MYO7B: variants seen among roughly 807,000 people sequenced by gnomAD.
MYO7B encodes the protein myosin VIIB.
In MYO7B, 212 loss-of-function variants were observed where a neutral mutation model predicts 259.7. That is an observed-to-expected ratio of 0.82 (90% confidence interval 0.73 to 0.91). The LOEUF is 0.91. Among genes scored for constraint, MYO7B ranks in the 40% least tolerant of loss-of-function variants. MYO7B has a pLI of 0.00. For synonymous variants in MYO7B, 1,197 were observed against 1,166.4 expected, an observed-to-expected ratio of 1.03 and a Z score of -0.54; for missense variants, 2,732 against 2,813.5, an observed-to-expected ratio of 0.97 and a Z score of 0.66.
chr2:127,620,817 C>A (rs980403899), intron 27 of MYO7B, among the ~76,000 whole-genome samples: 3 of 152,200 alleles, frequency 2.0e-5, no homozygotes, highest in Non-Finnish European at 4.4e-5. Flanking sequence ...TGCCACGGCA[C>A]CTCTTTCTAG....
rs781075658 is a variant in MYO7B, at chr2:127,566,806, G to A, written c.449G>A (p.Arg150Lys). 4.3e-6 allele frequency: 7 copies of A among 1,610,944 alleles called. No homozygotes were observed. Among genetic ancestry groups the A allele is most frequent in the Non-Finnish European group, 5.1e-6 (6 of 1,179,784 alleles). The change falls in exon 5 of 48, where the codon AGG (arginine) becomes AAG (lysine). Residue 150 changes from arginine (R) to lysine (K), a missense_variant. Physicochemically the swap from Arg to Lys is conservative, Grantham distance 26. Coordinates refer to ENST00000409816, the MANE Select transcript of MYO7B (RefSeq NM_001393586.1). ...TACTTCAGCATGAAGAGGAACAAGA[G>A]GGACCAGTGCTGCATCATCAGGTGA... ...NCYFSMKRNK[R>K]DQCCIISGES... is the part of the protein sequence containing the mutation.
intron 1 of MYO7B, among the ~76,000 whole-genome samples, chr2:127,538,932 T>C (rs1692898511): frequency 1.3e-5 from 2 of 152,310 alleles, no homozygotes; most frequent in Admixed American, 1.3e-4. Flanking sequence ...TAAGCCTCAG[T>C]TCCCTCTTCT....
intron 2 of MYO7B, among the ~76,000 whole-genome samples, chr2:127,560,090 G>T (rs915490434): frequency 6.7e-6 from 1 of 148,954 alleles, no homozygotes. Context: ...CCAGTGGCAC[G>T]ATCTCAGCTC....
chr2:127,590,036 G>T lies in MYO7B; in HGVS notation c.1855-56G>T. On this transcript the variant is annotated intron_variant, in intron 15 of 47. Transcript: ENST00000409816. This position sits in a 1 kb window ranked among gnomAD's most constrained non-coding sequence, Gnocchi z 4.6. ...CAACCCTTGCTGGCCTACAGGGTCA[G>T]CTGTCCCAGGACATGGCTCCTGAGA... is the stretch of plus-strand genomic sequence containing the variant. 2 of 1,542,100 alleles carry T rather than the reference G, an allele frequency of 1.3e-6. No individual in the cohort carries two copies. The highest frequency in any genetic ancestry group is 1.8e-6 in the Non-Finnish European group (2 of 1,139,950).
intron 14 of MYO7B, among the ~76,000 whole-genome samples, chr2:127,587,715 C>T (rs1274587259): frequency 1.3e-5 from 2 of 152,034 alleles, no homozygotes; most frequent in African/African-American, 4.8e-5. Flanking sequence ...ATTACAGGCA[C>T]ATGCCACCAT....
At chr2:127,538,371 C>G (rs1258372006) in intron 1 of MYO7B, among the ~76,000 whole-genome samples, 1 of 152,106 alleles carries the variant, frequency 6.6e-6, no homozygotes, top group East Asian at 1.9e-4. Context: ...CTGTTGAGCA[C>G]TTGAAGTGTG....
chr2:127,607,140 C>A lies in MYO7B; in HGVS notation c.2425-66C>A, dbSNP rs1680182993. On this transcript the variant is annotated intron_variant, in intron 20 of 47. Transcript: ENST00000409816. This position sits in a 1 kb window ranked among gnomAD's most constrained non-coding sequence, Gnocchi z 4.4. ...CTATCTTGCACTGCCTCCTGGGGAG[C>A]ACCCCTCTCTGTTTCCTGGGGAAGG... is the stretch of plus-strand genomic sequence containing the variant. 1 of 1,433,428 alleles carries A rather than the reference C, an allele frequency of 7.0e-7. No individual in the cohort carries two copies. Among genetic ancestry groups the A allele is most frequent in the Non-Finnish European group, 9.4e-7 (1 of 1,062,860 alleles). 88.8% of individuals were successfully genotyped at this position (1,433,428 alleles called of 1,614,324 possible). A position where few individuals can be genotyped will look rare whatever the true frequency, so the allele number is the denominator to read the frequency against.
rs7604131 is a variant in MYO7B, at chr2:127,590,904, C to T, written c.1992+675C>T. ...TGGAAAGAATAAAACTATGTGAAAT[C>T]GAGTTTGATCTGGGTGCAGTAGCTC... On this transcript the variant is annotated intron_variant, in intron 16 of 47. Coordinates refer to ENST00000409816, the MANE Select transcript of MYO7B (RefSeq NM_001393586.1). This position sits in a 1 kb window ranked among gnomAD's most constrained non-coding sequence, Gnocchi z 4.6. Among the ~76,000 whole-genome samples, 4 of 152,198 alleles carry T rather than the reference C, an allele frequency of 2.6e-5. No homozygotes were observed. Among genetic ancestry groups the T allele is most frequent in the African/African-American group, 7.2e-5 (3 of 41,442 alleles).
chr2:127,613,004 G>A lies in MYO7B; in HGVS notation c.3398+401G>A, dbSNP rs1348672798. 2.6e-5 allele frequency among the ~76,000 whole-genome samples: 4 copies of A among 152,340 alleles called. No homozygotes were observed. Among genetic ancestry groups the A allele is most frequent in the African/African-American group, 7.2e-5 (3 of 41,570 alleles). The stretch of plus-strand genomic sequence containing the variant: ...CCTGCAAACACTGCAGTTCCCATCC[G>A]TGTTGGCTGAATGCGTAGAAGCAGA... On this transcript the variant is annotated intron_variant, in intron 26 of 47. Transcript: ENST00000409816. This position sits in a 1 kb window ranked among gnomAD's most constrained non-coding sequence, Gnocchi z 4.3.
chr2:127,584,224 C>A lies in MYO7B; in HGVS notation c.1446C>A (p.Ile482=), dbSNP rs1679216364. The part of the protein sequence containing the change: ...MEQEEYRSEN[I]SWDYIHYTDN... ...AAGAGGAGTACCGCTCGGAGAACAT[C>A]TCCTGGGACTATATCCACTACACCG... is the stretch of plus-strand genomic sequence containing the variant. The change falls in exon 13 of 48, where the codon ATC becomes ATA. Residue 482 remains isoleucine, a synonymous_variant. Coordinates refer to ENST00000409816, the MANE Select transcript of MYO7B (RefSeq NM_001393586.1). This position sits in a 1 kb window ranked among gnomAD's most constrained non-coding sequence, Gnocchi z 5.8. The A allele has an allele frequency of 6.2e-7, 1 of 1,614,030 alleles. No homozygotes were observed. The highest frequency in any genetic ancestry group is 8.5e-7 in the Non-Finnish European group (1 of 1,179,892).
chr2:127,591,506 G>C (rs1209051927), intron 16 of MYO7B, among the ~76,000 whole-genome samples: 1 of 152,352 alleles, frequency 6.6e-6, no homozygotes, highest in East Asian at 1.9e-4. Flanking sequence ...TCATCTTTAA[G>C]TTGGAGCCAA....
At chr2:127,594,144 C>G (rs1044050743) in intron 18 of MYO7B, among the ~76,000 whole-genome samples, 2 of 152,208 alleles carry the variant, frequency 1.3e-5, no homozygotes, top group Non-Finnish European at 1.5e-5. Context: ...GGGGCTTGTG[C>G]GAGCCTCACC....
In MYO7B at chr2:127,636,376, C is replaced by T. The variant is rs1681806749; in HGVS notation, c.6123+52C>T. 3 of 1,546,962 alleles carry T rather than the reference C, an allele frequency of 1.9e-6. No homozygotes were observed. In the East Asian group the frequency reaches 6.8e-5, roughly 35 times the overall value. ...CCTACCCAAGCAGGCTCCGCTCAGC[C>T]CAGCCCCAGCAGGCCCAGCGTCAAC... On this transcript the variant is annotated intron_variant, in intron 45 of 47. Transcript: ENST00000409816. This position sits in a 1 kb window ranked among gnomAD's most constrained non-coding sequence, Gnocchi z 4.5.
chr2:127,617,505 T>G (rs972131421), intron 26 of MYO7B, among the ~76,000 whole-genome samples: 1 of 135,930 alleles, frequency 7.4e-6, no homozygotes, highest in African/African-American at 2.8e-5. Flanking sequence ...TTTTTTTTTT[T>G]TTTTTTTTGA....
intron 10 of MYO7B, 27 bp from the exon 11 acceptor site, chr2:127,581,864 C>A: frequency 1.2e-6 from 2 of 1,612,120 alleles, no homozygotes; most frequent in African/African-American, 2.7e-5. Flanking sequence ...TCCACAGGTG[C>A]GACGCAGCCC....
chr2:127,604,789 G>A (rs529644819), intron 19 of MYO7B, among the ~76,000 whole-genome samples: 3 of 152,286 alleles, frequency 2.0e-5, no homozygotes, highest in African/African-American at 7.2e-5. Context: ...CTGGTTGGTG[G>A]AGCAGTCAAA....
At position 127,546,271 on chromosome 2, in the gene MYO7B, G is replaced by A. The variant is rs1289057414; in HGVS notation, c.-24+10440G>A. Reference sequence around the variant, plus strand: ...ACCCCTGGTTCCTGATCTGTGAAGTGGGATGTCTCCATGGACAGCACAGGG... The same window carrying A: ...ACCCCTGGTTCCTGATCTGTGAAGTAGGATGTCTCCATGGACAGCACAGGG... On this transcript the variant is annotated intron_variant, in intron 1 of 47. Coordinates refer to ENST00000409816, the MANE Select transcript of MYO7B (RefSeq NM_001393586.1). The surrounding 1 kb of genome is among the most constrained non-coding windows in gnomAD (Gnocchi z 4.2). Among the ~76,000 whole-genome samples, 1 of 152,188 alleles carries A rather than the reference G, an allele frequency of 6.6e-6. No homozygotes were observed. Among genetic ancestry groups the A allele is most frequent in the Non-Finnish European group, 1.5e-5 (1 of 68,036 alleles).
chr2:127,557,281 A>ATGAAGATTTC (rs1270217957), intron 1 of MYO7B, among the ~76,000 whole-genome samples: 2 of 151,950 alleles, frequency 1.3e-5, no homozygotes, highest in African/African-American at 4.8e-5. Flanking sequence ...GTCTGTTTCA[A>ATGAAGATTTC]TGAAGATTTC....
intron 19 of MYO7B, among the ~76,000 whole-genome samples, chr2:127,600,834 T>C (rs1017297731): frequency 6.6e-6 from 1 of 152,240 alleles, no homozygotes; most frequent in African/African-American, 2.4e-5. Context: ...CTTTTATTAT[T>C]TTCATCCTTC....
Sources: allele counts gnomAD v4.1 joint callset (sites outside exome capture counted in the v4.1 genomes callset), GRCh38; gene constraint gnomAD v4.1.1; non-coding constraint Gnocchi (gnomAD v3.1); transcripts MANE v1.5; gene names NCBI Gene and HGNC (gene_info 2026-07-23, HGNC 2026-07-21).